Variants in HRH2 observed in about 807,000 individuals in gnomAD.
HRH2 encodes histamine receptor H2.
Under a neutral mutation model 20.1 loss-of-function variants are expected in HRH2, and 4 were observed. The ratio of observed to expected loss-of-function variants is 0.20; its 90% CI spans 0.10 to 0.45. The LOEUF is 0.45. HRH2 is among the 20% of genes least tolerant of loss of function. The probability of loss-of-function intolerance (pLI) is 0.99; values close to 1 mark genes in which losing one functional copy is unlikely to be tolerated. For synonymous variants in HRH2, 197 were observed against 200.7 expected (o/e 0.98, Z 0.16); for missense variants, 250 against 461.6 (o/e 0.54, Z 4.20).
In HRH2 at chr5:175,686,685, C is replaced by T. The variant is rs369001452; in HGVS notation, c.1076+2376C>T. ...AGACCTCTGAGCTTTTAAATGCAAA[C>T]GAGAAAGACCCTTTCATCCAAGGCA... On this transcript the variant is annotated intron_variant, in intron 2 of 2. Coordinates refer to ENST00000636584, the MANE Select transcript of HRH2 (RefSeq NM_001367711.1). This position sits in a 1 kb window ranked among gnomAD's most constrained non-coding sequence, Gnocchi z 4.7. Among the ~76,000 whole-genome samples, 36 of 152,322 alleles carry T rather than the reference C, an allele frequency of 2.4e-4. No homozygotes were observed. Among genetic ancestry groups the T allele is most frequent in the East Asian group, 7.7e-4 (4 of 5,182 alleles).
chr5:175,671,519 G>A (rs1364968798), intron 1 of HRH2, among the ~76,000 whole-genome samples: 4 of 152,158 alleles, frequency 2.6e-5, no homozygotes, highest in Non-Finnish European at 5.9e-5. Context: ...TGGAGGTGAT[G>A]GTGATGATGG....
chr5:175,677,382 G>T lies in HRH2; in HGVS notation c.-525-5327G>T, dbSNP rs35011236. On this transcript the variant is annotated intron_variant, in intron 1 of 2. Transcript: ENST00000636584. The surrounding 1 kb of genome is among the most constrained non-coding windows in gnomAD (Gnocchi z 4.2). ...AGTGCTGTGAAAAACATGAGCTCAG[G>T]TATCTTTTCGATGTATCGGTCAGCA... Among the ~76,000 whole-genome samples the T allele has an allele frequency of 0.048, 7,312 of 152,278 alleles. 234 individuals carry two copies. Among genetic ancestry groups the T allele is most frequent in the Middle Eastern group, 0.11 (31 of 294 alleles).
At position 175,710,389 on chromosome 5, in the gene HRH2, G is replaced by T. The variant is rs551810304; in HGVS notation, c.*2418G>T. Reference sequence around the variant, plus strand: ...ATTTGCCCTGGTGATCCCCCCAGAGGTGCTTAGTCTCTTGGCTGAATTCCT... The same window carrying T: ...ATTTGCCCTGGTGATCCCCCCAGAGTTGCTTAGTCTCTTGGCTGAATTCCT... On this transcript the variant is annotated 3_prime_UTR_variant, in exon 3 of 3. Coordinates refer to ENST00000636584, the MANE Select transcript of HRH2 (RefSeq NM_001367711.1). The T allele has an allele frequency of 6.6e-6, 1 of 152,412 alleles. No homozygotes were observed. Among genetic ancestry groups the T allele is most frequent in the African/African-American group, 2.4e-5 (1 of 41,586 alleles). The allele number at this position is 152,412 out of a possible 1,614,324, so 9.4% of individuals were successfully genotyped here.
At chr5:175,701,914 C>A (rs1706875955) in intron 2 of HRH2, among the ~76,000 whole-genome samples, 1 of 152,190 alleles carries the variant, frequency 6.6e-6, no homozygotes, top group African/African-American at 2.4e-5. Context: ...TGGCTCAGGG[C>A]AAAGACGGGC....
At chr5:175,695,637 C>T (rs1021014971) in intron 2 of HRH2, among the ~76,000 whole-genome samples, 3 of 152,222 alleles carry the variant, frequency 2.0e-5, no homozygotes, top group Non-Finnish European at 4.4e-5. Flanking sequence ...GTTTTCTAGA[C>T]AGGCTGTGGG....
intron 2 of HRH2, among the ~76,000 whole-genome samples, chr5:175,691,630 A>G (rs551470792): frequency 1.3e-5 from 2 of 151,894 alleles, no homozygotes; most frequent in African/African-American, 4.8e-5. Context: ...TGCCTGTAAT[A>G]CCGGCGCTTT....
At chr5:175,662,424 T>A (rs1262442593) in intron 1 of HRH2, among the ~76,000 whole-genome samples, 3 of 152,080 alleles carry the variant, frequency 2.0e-5, no homozygotes, top group Non-Finnish European at 4.4e-5. Flanking sequence ...TAACAAAAAA[T>A]TATCCTGTCC....
chr5:175,699,171 A>C (rs1456030277), intron 2 of HRH2, among the ~76,000 whole-genome samples: 1 of 152,190 alleles, frequency 6.6e-6, no homozygotes, highest in Non-Finnish European at 1.5e-5. Flanking sequence ...ATTTGGGCAT[A>C]TTGGGTAATG....
At chr5:175,696,751 G>A (rs920373948) in intron 2 of HRH2, among the ~76,000 whole-genome samples, 1 of 152,228 alleles carries the variant, frequency 6.6e-6, no homozygotes, top group Admixed American at 6.5e-5. Context: ...TACTGGCCGT[G>A]TGGCCCCCTT....
chr5:175,669,775 G>A (rs901847057), intron 1 of HRH2, among the ~76,000 whole-genome samples: 1 of 152,118 alleles, frequency 6.6e-6, no homozygotes, highest in African/African-American at 2.4e-5. Context: ...CACCCGATTC[G>A]CATTCAAGTT....
At chr5:175,697,056 T>G (rs1284168614) in intron 2 of HRH2, among the ~76,000 whole-genome samples, 1 of 152,270 alleles carries the variant, frequency 6.6e-6, no homozygotes, top group East Asian at 1.9e-4. Context: ...CCCTCTTCTG[T>G]TAAGTCCCCC....
intron 2 of HRH2, among the ~76,000 whole-genome samples, chr5:175,695,677 G>GTTA (rs1756551385): frequency 6.6e-6 from 1 of 152,224 alleles, no homozygotes; most frequent in Non-Finnish European, 1.5e-5. Context: ...ACATCGGAAG[G>GTTA]TTATTAGTTC....
At chr5:175,658,250 G>A (rs1175339424) in intron 1 of HRH2, 95 bp downstream of exon 1, 1 of 152,066 alleles carries the variant, frequency 6.6e-6, no homozygotes, top group Non-Finnish European at 1.5e-5. Context: ...GCCGCCCGAG[G>A]GGCTGCTCGG....
In HRH2 at chr5:175,677,703, C is replaced by T. The variant is rs1755805949; in HGVS notation, c.-525-5006C>T. On this transcript the variant is annotated intron_variant, in intron 1 of 2. Coordinates refer to ENST00000636584, the MANE Select transcript of HRH2 (RefSeq NM_001367711.1). This position sits in a 1 kb window ranked among gnomAD's most constrained non-coding sequence, Gnocchi z 4.2. Reference sequence around the variant, plus strand: ...AGGCACCTGGAACATTTGAAGTGGTCGATGACAGGGGAAAAGTTCTGAGAA... The same window carrying T: ...AGGCACCTGGAACATTTGAAGTGGTTGATGACAGGGGAAAAGTTCTGAGAA... Among the ~76,000 whole-genome samples the T allele has an allele frequency of 6.6e-6, 1 of 152,148 alleles. No individual in the cohort carries two copies. Among genetic ancestry groups the T allele is most frequent in the Non-Finnish European group, 1.5e-5 (1 of 68,014 alleles).
At chr5:175,704,254 T>C (rs752304318) in intron 2 of HRH2, among the ~76,000 whole-genome samples, 3 of 152,108 alleles carry the variant, frequency 2.0e-5, no homozygotes, top group Non-Finnish European at 4.4e-5. Flanking sequence ...AACATAATCA[T>C]GCAATATTTT....
In HRH2 at chr5:175,689,176, T is replaced by C. The variant is rs1756278346; in HGVS notation, c.1076+4867T>C. 2.6e-5 allele frequency among the ~76,000 whole-genome samples: 4 copies of C among 152,212 alleles called. No homozygotes were observed. In the South Asian group the frequency reaches 8.3e-4, roughly 32 times the overall value. On this transcript the variant is annotated intron_variant, in intron 2 of 2. Transcript: ENST00000636584. ...AGGCATAAATTGGATTATACTCCAC[T>C]TCTCCTATTGCTTAGAGTAAAACAC...
intron 1 of HRH2, among the ~76,000 whole-genome samples, chr5:175,680,896 G>T (rs1249703594): frequency 3.3e-5 from 5 of 152,130 alleles, no homozygotes; most frequent in African/African-American, 9.7e-5. Context: ...CTGACACATT[G>T]TGGGTTTTCA....
At chr5:175,672,991 G>A (rs1755610250) in intron 1 of HRH2, among the ~76,000 whole-genome samples, 1 of 151,984 alleles carries the variant, frequency 6.6e-6, no homozygotes, top group African/African-American at 2.4e-5. Context: ...ACCCACTGAG[G>A]CCTCGGGTGG....
At chr5:175,665,390 A>G (rs796876760) in intron 1 of HRH2, among the ~76,000 whole-genome samples, 4 of 152,272 alleles carry the variant, frequency 2.6e-5, no homozygotes, top group African/African-American at 9.6e-5. Flanking sequence ...CAGAAGTGTG[A>G]GAATTAAAGA....
Sources: gnomAD v4.1 joint callset for allele counts (sites outside exome capture counted in the v4.1 genomes callset) on GRCh38, gnomAD v4.1.1 for gene constraint, Gnocchi (gnomAD v3.1) non-coding constraint, MANE v1.5 for transcripts, NCBI Gene and HGNC (gene_info 2026-07-23, HGNC 2026-07-21) for gene names.